Variants in RAPGEF6 observed in about 807,000 individuals in gnomAD.
RAPGEF6 encodes the protein PDZ domain containing guanine nucleotide exchange factor (GEF) 2.
In RAPGEF6, 56 loss-of-function variants were observed where a neutral mutation model predicts 171.4. That is an observed-to-expected ratio of 0.33 (90% confidence interval 0.26 to 0.41). The LOEUF is 0.41. RAPGEF6 is among the 10% of genes least tolerant of loss of function. The probability of loss-of-function intolerance (pLI) is 1.00; values close to 1 mark genes in which losing one functional copy is unlikely to be tolerated. For missense variants in RAPGEF6, 1,674 were observed against 1,921.4 expected (o/e 0.87, Z 2.41); for synonymous variants, 692 against 650.1 (o/e 1.06, Z -0.98).
At chr5:131,581,851 T>C (rs1449919708) in intron 4 of RAPGEF6, among the ~76,000 whole-genome samples, 1 of 152,104 alleles carries the variant, frequency 6.6e-6, no homozygotes, top group Non-Finnish European at 1.5e-5. Flanking sequence ...ATGTACTTTG[T>C]AACATTCCTC....
At chr5:131,480,570 C>T (rs992525911) in intron 15 of RAPGEF6, among the ~76,000 whole-genome samples, 10 of 152,116 alleles carry the variant, frequency 6.6e-5, no homozygotes, top group Non-Finnish European at 1.5e-4. Context: ...CCTCCATCTC[C>T]CGGGTTCAAG....
intron 4 of RAPGEF6, among the ~76,000 whole-genome samples, chr5:131,583,616 T>C (rs1022357303): frequency 1.3e-5 from 2 of 152,240 alleles, no homozygotes; most frequent in African/African-American, 4.8e-5. Context: ...CTTTTTGGGC[T>C]GAACTAATTG....
chr5:131,539,375 T>C (rs986456911), intron 6 of RAPGEF6, among the ~76,000 whole-genome samples: 1 of 152,220 alleles, frequency 6.6e-6, no homozygotes, highest in Non-Finnish European at 1.5e-5. Flanking sequence ...AAATTCTAAA[T>C]TCTCCTAATG....
chr5:131,548,818 A>T (rs1233607080), intron 5 of RAPGEF6, among the ~76,000 whole-genome samples: 1 of 152,178 alleles, frequency 6.6e-6, no homozygotes, highest in East Asian at 1.9e-4. Flanking sequence ...ACCCAAAGAT[A>T]TTAGTGACAT....
intron 17 of RAPGEF6, among the ~76,000 whole-genome samples, chr5:131,469,405 A>T (rs1754594555): frequency 6.6e-6 from 1 of 152,158 alleles, no homozygotes; most frequent in Non-Finnish European, 1.5e-5. Flanking sequence ...AGTTTACTAT[A>T]TGAAATAAAT....
chr5:131,467,094 C>A (rs1332564226), intron 17 of RAPGEF6, among the ~76,000 whole-genome samples: 1 of 152,144 alleles, frequency 6.6e-6, no homozygotes, highest in Non-Finnish European at 1.5e-5. Flanking sequence ...TTATTACTTT[C>A]TTCAGAGAAA....
chr5:131,553,071 C>T (rs943768363), intron 5 of RAPGEF6, among the ~76,000 whole-genome samples: 3 of 152,140 alleles, frequency 2.0e-5, no homozygotes, highest in Non-Finnish European at 2.9e-5. Context: ...GCCCTAAGTG[C>T]CCTCCTCCCA....
At chr5:131,446,879 G>C (rs1426613033) in intron 21 of RAPGEF6, 176 bp from the exon 22 acceptor site, 1 of 625,244 alleles carries the variant, frequency 1.6e-6, no homozygotes, top group Non-Finnish European at 2.7e-6. Context: ...TCTGAATTAA[G>C]AACAGGATTT....
chr5:131,426,970 G>T lies in RAPGEF6; in HGVS notation c.*296C>A. ...GAAAAATCTATAGCAATATACACAAGGATCACTCTGAGTTTACATTTTTTC... is the reference window on the plus strand; with the variant it reads ...GAAAAATCTATAGCAATATACACAATGATCACTCTGAGTTTACATTTTTTC... On this transcript the variant is annotated 3_prime_UTR_variant, in exon 28 of 28. Transcript: ENST00000509018. 1 of 415,126 alleles carries T rather than the reference G, an allele frequency of 2.4e-6. No homozygotes were observed. The highest frequency in any genetic ancestry group is 4.3e-6 in the Non-Finnish European group (1 of 233,856). The allele number at this position is 415,126 out of a possible 1,614,324, so 25.7% of individuals were successfully genotyped here. A position where few individuals can be genotyped will look rare whatever the true frequency, so the allele number is the denominator to read the frequency against.
chr5:131,563,589 G>A (rs1476083386), intron 4 of RAPGEF6, among the ~76,000 whole-genome samples: 1 of 152,072 alleles, frequency 6.6e-6, no homozygotes, highest in Non-Finnish European at 1.5e-5. Context: ...CTGTAGCCTC[G>A]ACATCCCTGG....
At chr5:131,453,839 A>G (rs1313202119) in intron 20 of RAPGEF6, among the ~76,000 whole-genome samples, 2 of 152,218 alleles carry the variant, frequency 1.3e-5, no homozygotes, top group Non-Finnish European at 2.9e-5. Context: ...AGTAATCATG[A>G]CGAATACTCT....
At chr5:131,456,742 C>A (rs1034686585) in intron 19 of RAPGEF6, among the ~76,000 whole-genome samples, 1 of 152,158 alleles carries the variant, frequency 6.6e-6, no homozygotes, top group African/African-American at 2.4e-5. Context: ...CTGACTTTTA[C>A]CAACACCACT....
chr5:131,512,749 G>A (rs1055453802), intron 7 of RAPGEF6, among the ~76,000 whole-genome samples: 1 of 152,130 alleles, frequency 6.6e-6, no homozygotes, highest in African/African-American at 2.4e-5. Context: ...TGGGGCCTTT[G>A]GGAAGTGATT....
intron 1 of RAPGEF6, among the ~76,000 whole-genome samples, chr5:131,620,038 T>C (rs927836707): frequency 2.6e-5 from 4 of 152,256 alleles, no homozygotes; most frequent in Non-Finnish European, 5.9e-5. Context: ...CCATACAGTA[T>C]GCAAGTCTTC....
chr5:131,473,827 T>TA (rs1316841903), intron 16 of RAPGEF6, among the ~76,000 whole-genome samples: 1 of 152,204 alleles, frequency 6.6e-6, no homozygotes. Context: ...GATGGAGAGT[T>TA]AGACTGTTAA....
chr5:131,471,160 C>T (rs951184894), intron 17 of RAPGEF6, among the ~76,000 whole-genome samples: 1 of 152,178 alleles, frequency 6.6e-6, no homozygotes, highest in East Asian at 1.9e-4. Context: ...TCATGAATGA[C>T]ATTTCACTAA....
At chr5:131,494,968 GTAAC>G (rs567140898) in intron 13 of RAPGEF6, among the ~76,000 whole-genome samples, 30 of 152,266 alleles carry the variant, frequency 2.0e-4, no homozygotes, top group African/African-American at 6.3e-4. Context: ...ATAAGCCTGA[GTAAC>G]TAAGAGATAA....
intron 6 of RAPGEF6, among the ~76,000 whole-genome samples, chr5:131,535,819 A>C (rs1334852779): frequency 1.3e-5 from 2 of 152,168 alleles, no homozygotes; most frequent in Non-Finnish European, 2.9e-5. Flanking sequence ...GATAGTTACT[A>C]AACTAACTGT....
At chr5:131,541,282 T>C (rs1445324717) in intron 6 of RAPGEF6, among the ~76,000 whole-genome samples, 1 of 152,158 alleles carries the variant, frequency 6.6e-6, no homozygotes, top group Non-Finnish European at 1.5e-5. Context: ...CAGAAGAGCA[T>C]GACAGAAGCC....
Sources: gnomAD v4.1 joint callset for allele counts (sites outside exome capture counted in the v4.1 genomes callset) on GRCh38, gnomAD v4.1.1 for gene constraint, MANE v1.5 for transcripts, NCBI Gene and HGNC (gene_info 2026-07-23, HGNC 2026-07-21) for gene names.